Variants in DCLK1 observed in about 807,000 individuals in gnomAD.
DCLK1 encodes serine/threonine-protein kinase DCLK1.
In DCLK1, 16 loss-of-function variants were observed where a neutral mutation model predicts 86.2. That is an observed-to-expected ratio of 0.19 (90% CI 0.13 to 0.28). DCLK1 has a LOEUF of 0.28. DCLK1 is among the 10% of genes least tolerant of loss of function. The pLI, the probability that DCLK1 is intolerant of heterozygous loss-of-function variation, is 1.00. For missense variants in DCLK1, 590 were observed against 940.2 expected (o/e 0.63, Z 4.87); for synonymous variants, 369 against 370.5 (o/e 1.00, Z 0.05).
chr13:36,130,526 G>A (rs558542697), intron 1 of DCLK1, among the ~76,000 whole-genome samples: 1 of 152,114 alleles, frequency 6.6e-6, no homozygotes, highest in Non-Finnish European at 1.5e-5. Context: ...TTTCCTCTCC[G>A]CAAGCTTTTA....
At chr13:35,974,817 C>T (rs1879252191) in intron 3 of DCLK1, among the ~76,000 whole-genome samples, 2 of 152,150 alleles carry the variant, frequency 1.3e-5, no homozygotes, top group Non-Finnish European at 2.9e-5. Flanking sequence ...CAGATGGAAC[C>T]AACCCTGCCA....
intron 3 of DCLK1, among the ~76,000 whole-genome samples, chr13:36,076,261 C>T (rs1052085397): frequency 6.6e-5 from 10 of 151,986 alleles, no homozygotes; most frequent in African/African-American, 2.4e-4. Flanking sequence ...TAAAAGATGC[C>T]CTATTTCTCC....
intron 6 of DCLK1, among the ~76,000 whole-genome samples, chr13:35,839,401 T>G (rs960396249): frequency 8.5e-5 from 13 of 152,202 alleles, no homozygotes; most frequent in African/African-American, 3.1e-4. Context: ...AGCTGGTTAT[T>G]GTGAACTTGA....
intron 4 of DCLK1, among the ~76,000 whole-genome samples, chr13:35,939,862 TTGTC>T (rs1229997909): frequency 1.3e-5 from 2 of 151,776 alleles, no homozygotes; most frequent in South Asian, 2.1e-4. Context: ...TTACAAAGAG[TTGTC>T]TGTCTATTGC....
intron 6 of DCLK1, chr13:35,848,386 A>G: frequency 1.0e-6 from 1 of 984,980 alleles, no homozygotes; most frequent in Non-Finnish European, 1.2e-6. Flanking sequence ...AAGACTATAA[A>G]TGGTGTGCTG....
At chr13:35,903,893 A>G (rs1249223261) in intron 4 of DCLK1, among the ~76,000 whole-genome samples, 1 of 152,152 alleles carries the variant, frequency 6.6e-6, no homozygotes, top group African/African-American at 2.4e-5. Context: ...AACAATATCA[A>G]TTTTTCTCTA....
chr13:35,899,997 C>A (rs1874253315), intron 4 of DCLK1, among the ~76,000 whole-genome samples: 1 of 152,060 alleles, frequency 6.6e-6, no homozygotes, highest in African/African-American at 2.4e-5. Context: ...AAAATCATAC[C>A]TACCTTATTA....
At chr13:35,998,646 AACTC>A (rs1265419575) in intron 3 of DCLK1, among the ~76,000 whole-genome samples, 3 of 152,146 alleles carry the variant, frequency 2.0e-5, no homozygotes, top group Non-Finnish European at 4.4e-5. Context: ...CCCTGACAGA[AACTC>A]ACTATCATGC....
At chr13:36,076,983 C>T (rs1286015110) in intron 3 of DCLK1, among the ~76,000 whole-genome samples, 1 of 152,022 alleles carries the variant, frequency 6.6e-6, no homozygotes, top group Non-Finnish European at 1.5e-5. Context: ...ATGATAATGC[C>T]CCCAGTGGAA....
intron 4 of DCLK1, among the ~76,000 whole-genome samples, chr13:35,946,625 G>A (rs1877396689): frequency 6.6e-6 from 1 of 152,158 alleles, no homozygotes; most frequent in South Asian, 2.1e-4. Context: ...CAGTAAATAT[G>A]CAATACTCCC....
intron 4 of DCLK1, among the ~76,000 whole-genome samples, chr13:35,946,069 TGG>T (rs1259845610): frequency 5.3e-5 from 8 of 152,310 alleles, no homozygotes; most frequent in Non-Finnish European, 7.4e-5. Flanking sequence ...CCAAGTACAG[TGG>T]CACAATCAGG....
chr13:36,065,764 C>G (rs1489142737), intron 3 of DCLK1, among the ~76,000 whole-genome samples: 1 of 151,926 alleles, frequency 6.6e-6, no homozygotes, highest in Non-Finnish European at 1.5e-5. Flanking sequence ...TTAAAATTGT[C>G]CAGAAATCTA....
intron 3 of DCLK1, among the ~76,000 whole-genome samples, chr13:35,996,282 T>C (rs1880474076): frequency 6.6e-6 from 1 of 152,214 alleles, no homozygotes; most frequent in Non-Finnish European, 1.5e-5. Context: ...GAGAGATAGA[T>C]TAAGGCCTCC....
At chr13:35,786,207 G>A (rs564327927) in intron 16 of DCLK1, among the ~76,000 whole-genome samples, 1 of 152,128 alleles carries the variant, frequency 6.6e-6, no homozygotes, top group Non-Finnish European at 1.5e-5. Flanking sequence ...TTGGGGTTTA[G>A]TTCCCATCCT....
At chr13:36,098,591 C>T (rs1469315893) in intron 3 of DCLK1, among the ~76,000 whole-genome samples, 2 of 152,140 alleles carry the variant, frequency 1.3e-5, no homozygotes, top group Non-Finnish European at 2.9e-5. Flanking sequence ...ACCTAGAAAA[C>T]ACAGTTGCCA....
intron 3 of DCLK1, among the ~76,000 whole-genome samples, chr13:35,995,139 C>T (rs1324266664): frequency 4.6e-5 from 7 of 152,178 alleles, no homozygotes; most frequent in Admixed American, 1.3e-4. Context: ...CCTTTTCTTT[C>T]TTAAACCTCT....
chr13:35,882,684 C>A (rs1378349264), intron 4 of DCLK1, among the ~76,000 whole-genome samples: 1 of 152,160 alleles, frequency 6.6e-6, no homozygotes, highest in African/African-American at 2.4e-5. Flanking sequence ...TATTTCCCTG[C>A]AAAAGGAACA....
At chr13:36,118,278 C>T (rs893412415) in intron 2 of DCLK1, among the ~76,000 whole-genome samples, 5 of 151,958 alleles carry the variant, frequency 3.3e-5, no homozygotes, top group African/African-American at 9.7e-5. Flanking sequence ...TCATCACAGC[C>T]GACCAGGAGA....
chr13:35,867,897 GAGAAAGAAAGAAAA>G, intron 5 of DCLK1, among the ~76,000 whole-genome samples: 1 of 42,342 alleles, frequency 2.4e-5, no homozygotes, highest in South Asian at 7.6e-4. Flanking sequence ...GAGAGAAAGA[GAGAAAGAAAGAAAA>G]AGAAAGAAAG....
Sources: gnomAD v4.1 joint callset for allele counts (sites outside exome capture counted in the v4.1 genomes callset) on GRCh38, gnomAD v4.1.1 for gene constraint, MANE v1.5 for transcripts, NCBI Gene and HGNC (gene_info 2026-07-23, HGNC 2026-07-21) for gene names.